Variants in DEPTOR observed in about 807,000 individuals in gnomAD.
DEPTOR encodes DEP domain-containing mTOR-interacting protein.
DEPTOR carries 41 observed loss-of-function variants against 41.6 expected under a neutral mutation model. The ratio of observed to expected loss-of-function variants is 0.98; its 90% CI spans 0.77 to 1.28. The LOEUF is 1.28. Among genes scored for constraint, DEPTOR ranks in the 50% most tolerant of loss-of-function variants. The pLI is 0.00. For synonymous variants in DEPTOR, 195 were observed against 192.3 expected, an observed-to-expected ratio of 1.01 and a Z score of -0.12; for missense variants, 514 against 527.9, an observed-to-expected ratio of 0.97 and a Z score of 0.26.
At chr8:119,885,344 G>A (rs1827350556) in intron 1 of DEPTOR, among the ~76,000 whole-genome samples, 1 of 152,146 alleles carries the variant, frequency 6.6e-6, no homozygotes, top group Non-Finnish European at 1.5e-5. Context: ...GATAAAATAA[G>A]ACTTTACCAA....
chr8:120,025,833 G>A (rs1812788438), intron 8 of DEPTOR, among the ~76,000 whole-genome samples: 1 of 151,726 alleles, frequency 6.6e-6, no homozygotes, highest in Admixed American at 6.6e-5. Flanking sequence ...AGGAAATGAT[G>A]CCACACTCCT....
chr8:120,002,791 A>AAAAATATATAT, intron 5 of DEPTOR, among the ~76,000 whole-genome samples, 186 bp from the exon 6 acceptor site: 21 of 60,666 alleles, frequency 3.5e-4, no homozygotes, highest in African/African-American at 1.4e-3. Context: ...AAAAAAAAAA[A>AAAAATATATAT]ATATATATAT....
chr8:119,918,955 GTGTGTGTGTGTA>G (rs1301637345), intron 1 of DEPTOR, among the ~76,000 whole-genome samples: 36 of 140,374 alleles, frequency 2.6e-4, no homozygotes, highest in African/African-American at 6.9e-4. Context: ...GTGTGTGTGT[GTGTGTGTGTGTA>G]TGTGTATGTG....
chr8:120,017,455 C>T (rs1812630356), intron 8 of DEPTOR, among the ~76,000 whole-genome samples: 1 of 152,174 alleles, frequency 6.6e-6, no homozygotes. Flanking sequence ...CCCTGAAATC[C>T]CTGGCAAACT....
intron 3 of DEPTOR, among the ~76,000 whole-genome samples, chr8:119,942,493 A>G (rs996998947): frequency 6.6e-6 from 1 of 152,174 alleles, no homozygotes; most frequent in Non-Finnish European, 1.5e-5. Context: ...GGCGTGAGCC[A>G]CCGCGTCCGG....
rs1177544022 is a variant in DEPTOR at position 120,049,749 on chromosome 8, G to T, written c.*45G>T. On this transcript the variant is annotated 3_prime_UTR_variant, in exon 9 of 9. Coordinates refer to ENST00000286234, the MANE Select transcript of DEPTOR (RefSeq NM_022783.4). ...CTCCAGTGGCCTGTGGGTGAGGGAAGCCAGAATGACACAAAGCAATGCAAA... is the reference window on the plus strand; with the variant it reads ...CTCCAGTGGCCTGTGGGTGAGGGAATCCAGAATGACACAAAGCAATGCAAA... 6.2e-7 allele frequency: 1 copy of T among 1,609,080 alleles called. No homozygotes were observed. Among genetic ancestry groups the T allele is most frequent in the Non-Finnish European group, 8.5e-7 (1 of 1,177,352 alleles).
At chr8:119,991,091 T>TTCTTTTC (rs1812163781) in intron 4 of DEPTOR, among the ~76,000 whole-genome samples, 1 of 123,244 alleles carries the variant, frequency 8.1e-6, no homozygotes, top group African/African-American at 3.1e-5. Context: ...TCTTTCTTTT[T>TTCTTTTC]CTTTCTTTCT....
chr8:119,978,944 T>TCTCCCTG (rs36212257), intron 4 of DEPTOR, among the ~76,000 whole-genome samples: 201 of 150,584 alleles, frequency 1.3e-3, no homozygotes, highest in African/African-American at 2.7e-3. Flanking sequence ...CTATCTTCCC[T>TCTCCCTG]CTCCCTGCTC....
intron 8 of DEPTOR, among the ~76,000 whole-genome samples, chr8:120,042,729 A>G (rs891674487): frequency 2.6e-5 from 4 of 151,872 alleles, no homozygotes; most frequent in African/African-American, 9.7e-5. Context: ...ATGTTGGGTC[A>G]AGCTGGTCTC....
intron 3 of DEPTOR, among the ~76,000 whole-genome samples, chr8:119,962,182 G>T (rs990540654): frequency 6.6e-6 from 1 of 151,900 alleles, no homozygotes; most frequent in African/African-American, 2.4e-5. Flanking sequence ...ACCTGAACTT[G>T]GGAGGTGGAG....
rs771148436 is a variant in DEPTOR at position 120,001,658 on chromosome 8, C to T, written c.738C>T (p.Phe246=). ...PSSQETHDSP[F]CLRKQSHDNR... ...CCCAGGAAACTCATGACAGTCCCTT[C>T]TGCCTGAGGAAGCAGAGCCATGACA... The change falls in exon 5 of 9, where the codon TTC becomes TTT. Residue 246 remains phenylalanine, a synonymous_variant. Coordinates refer to ENST00000286234, the MANE Select transcript of DEPTOR (RefSeq NM_022783.4). 2 of 1,613,968 alleles carry T rather than the reference C, an allele frequency of 1.2e-6. No individual in the cohort carries two copies. The highest frequency in any genetic ancestry group is 1.3e-5 in the African/African-American group (1 of 74,928).
At chr8:119,882,244 G>T (rs13255228) in intron 1 of DEPTOR, among the ~76,000 whole-genome samples, 22 of 152,162 alleles carry the variant, frequency 1.4e-4, no homozygotes, top group Non-Finnish European at 2.9e-4. Context: ...GCTTCCATCA[G>T]CTTTGGAATC....
At chr8:119,885,449 T>G (rs989809249) in intron 1 of DEPTOR, among the ~76,000 whole-genome samples, 4 of 152,230 alleles carry the variant, frequency 2.6e-5, no homozygotes, top group African/African-American at 9.6e-5. Flanking sequence ...TCTGATTCAT[T>G]TTCCCTCACA....
At chr8:119,960,945 C>T (rs1456373232) in intron 3 of DEPTOR, among the ~76,000 whole-genome samples, 1 of 151,934 alleles carries the variant, frequency 6.6e-6, no homozygotes, top group Non-Finnish European at 1.5e-5. Context: ...CACCATTGCA[C>T]TCCAGCCTGG....
intron 1 of DEPTOR, among the ~76,000 whole-genome samples, chr8:119,905,615 T>A (rs1162851668): frequency 1.4e-5 from 2 of 145,944 alleles, no homozygotes; most frequent in African/African-American, 5.1e-5. Flanking sequence ...TTTTCCCCAA[T>A]ATGGGCTTTA....
At chr8:119,988,184 G>T (rs1828854027) in intron 4 of DEPTOR, among the ~76,000 whole-genome samples, 1 of 152,196 alleles carries the variant, frequency 6.6e-6, no homozygotes, top group Non-Finnish European at 1.5e-5. Context: ...TGTGAAGACT[G>T]TGGGAAAAGC....
At chr8:119,943,356 G>A (rs773860636) in intron 3 of DEPTOR, among the ~76,000 whole-genome samples, 2 of 152,202 alleles carry the variant, frequency 1.3e-5, no homozygotes, top group Non-Finnish European at 2.9e-5. Context: ...GAGGTCTCAG[G>A]AAACACAATC....
At chr8:119,904,094 G>A (rs1827629209) in intron 1 of DEPTOR, among the ~76,000 whole-genome samples, 1 of 151,860 alleles carries the variant, frequency 6.6e-6, no homozygotes, top group Non-Finnish European at 1.5e-5. Context: ...AATTGGCTGT[G>A]TGAAACCTCA....
intron 3 of DEPTOR, among the ~76,000 whole-genome samples, chr8:119,934,325 G>A (rs1204888143): frequency 6.6e-6 from 1 of 152,198 alleles, no homozygotes; most frequent in Non-Finnish European, 1.5e-5. Flanking sequence ...GAGACATGCT[G>A]GAACAAACAC....
Sources: gnomAD v4.1 joint callset for allele counts (sites outside exome capture counted in the v4.1 genomes callset) on GRCh38, gnomAD v4.1.1 for gene constraint, MANE v1.5 for transcripts, NCBI Gene and HGNC (gene_info 2026-07-23, HGNC 2026-07-21) for gene names.